The following ERMARD variants were observed in gnomAD, a reference collection of about 807,000 sequenced individuals.
ERMARD encodes endoplasmic reticulum membrane-associated RNA degradation protein.
ERMARD carries 71 observed loss-of-function variants against 83.9 expected under a neutral mutation model. The observed-to-expected ratio is 0.85, with a 90% CI of 0.70 to 1.03. The LOEUF (loss-of-function observed/expected upper bound fraction) is 1.03. ERMARD is among the 50% of genes least tolerant of loss of function. The pLI, the probability that ERMARD is intolerant of heterozygous loss-of-function variation, is 0.00. For synonymous variants in ERMARD, 284 were observed against 298.6 expected (o/e 0.95, Z 0.50); for missense variants, 838 against 810.9 (o/e 1.03, Z -0.41).
At chr6:169,751,568 G>A (rs1790081521), upstream of ERMARD, 1 of 1,608,718 alleles carries the variant, frequency 6.2e-7, no homozygotes, top group South Asian at 1.1e-5. Flanking sequence ...CGTACGGTAG[G>A]AAGTGCCCGC....
rs765135839 is a variant in ERMARD, at chr6:169,776,515, G to A, written c.1581G>A (p.Arg527=). The part of the protein sequence containing the change: ...STPVPTLFCP[R]IVLEVLVVLR... ...CTGTTCCCACCCTGTTCTGCCCCAG[G>A]ATTGTGCTGGAAGTGCTGGTTGTGC... is the stretch of plus-strand genomic sequence containing the variant. Residue 527 remains arginine, a synonymous_variant, in exon 16 of 18, where the codon AGG becomes AGA. Coordinates refer to ENST00000366773, the MANE Select transcript of ERMARD (RefSeq NM_018341.3). 8.1e-6 allele frequency: 13 copies of A among 1,614,080 alleles called. No individual in the cohort carries two copies. In the South Asian group the frequency reaches 1.2e-4, roughly 15 times the overall value.
upstream of ERMARD, chr6:169,751,474 A>C (rs201949555): frequency 6.2e-7 from 1 of 1,612,630 alleles, no homozygotes; most frequent in African/African-American, 1.3e-5. Context: ...TCTGTTCTCC[A>C]AGACGCCCAC....
chr6:169,751,723 G>A, intron 1 of ERMARD, 60 bp downstream of exon 1: 2 of 1,510,754 alleles, frequency 1.3e-6, no homozygotes, highest in Non-Finnish European at 1.8e-6. Context: ...GCGCCAGGCT[G>A]GGTGGTGCTC....
chr6:169,775,853 T>C lies in ERMARD; in HGVS notation c.1395-87T>C, dbSNP rs1425625312. 7.4e-6 allele frequency: 11 copies of C among 1,486,922 alleles called. No individual in the cohort carries two copies. In the South Asian group the frequency reaches 8.9e-5, roughly 12 times the overall value. The allele number at this position is 1,486,922 out of a possible 1,614,324, so 92.1% of individuals were successfully genotyped here. On this transcript the variant is annotated intron_variant, in intron 14 of 17. Transcript: ENST00000366773. ...GTGAGATTCACAGTCAGGTCGCTGC[T>C]CAGTGAACCATTGAACATTCTTGTG...
intron 1 of ERMARD, chr6:169,751,964 C>T (rs755065582): frequency 3.7e-5 from 16 of 431,572 alleles, no homozygotes; most frequent in Non-Finnish European, 5.6e-5. Flanking sequence ...CGCGGTGGCG[C>T]GGGGGCGGAA....
chr6:169,764,410 T>G (rs1476641548), intron 9 of ERMARD, among the ~76,000 whole-genome samples: 1 of 151,824 alleles, frequency 6.6e-6, no homozygotes, highest in African/African-American at 2.4e-5. Context: ...ACCATAGATG[T>G]GTGCTACTAC....
At chr6:169,767,913 A>G (rs891282848) in intron 10 of ERMARD, 190 bp from the exon 11 acceptor site, 1 of 603,588 alleles carries the variant, frequency 1.7e-6, no homozygotes, top group African/African-American at 1.9e-5. Flanking sequence ...ATATAGTCTT[A>G]AAGTCATTCT....
At chr6:169,774,945 G>A (rs1222833725) in intron 13 of ERMARD, among the ~76,000 whole-genome samples, 1 of 152,204 alleles carries the variant, frequency 6.6e-6, no homozygotes, top group African/African-American at 2.4e-5. Flanking sequence ...CGTCACACCT[G>A]CTGTGTTCTG....
intron 16 of ERMARD, 105 bp from the exon 17 acceptor site, chr6:169,779,077 A>G (rs1038010458): frequency 1.0e-6 from 1 of 994,828 alleles, no homozygotes. Context: ...ATTTTTTGAG[A>G]AGTTGGGACT....
chr6:169,764,211 T>C (rs1791911547), intron 9 of ERMARD, among the ~76,000 whole-genome samples: 1 of 151,670 alleles, frequency 6.6e-6, no homozygotes, highest in Non-Finnish European at 1.5e-5. Context: ...TCTTCCTCCT[T>C]CTCAAATTTC....
chr6:169,775,010 C>A (rs1051868223), intron 13 of ERMARD, among the ~76,000 whole-genome samples: 7 of 152,038 alleles, frequency 4.6e-5, no homozygotes, highest in African/African-American at 1.7e-4. Flanking sequence ...GCCTCCCTCT[C>A]AATGGCAGGT....
intron 12 of ERMARD, among the ~76,000 whole-genome samples, chr6:169,772,770 CAAAA>C (rs60417475): frequency 0.14 from 13,778 of 100,092 alleles, 636 homozygotes; most frequent in African/African-American, 0.17. Context: ...GACTCTGTCT[CAAAA>C]AAAAAAAAAA....
At chr6:169,766,494 A>G (rs1054217640) in intron 9 of ERMARD, 144 bp from the exon 10 acceptor site, 2 of 581,700 alleles carry the variant, frequency 3.4e-6, no homozygotes, top group Non-Finnish European at 5.9e-6. Context: ...CATTCCTCTC[A>G]TAGTGTTTCT....
At chr6:169,760,040 C>T (rs927842081) in intron 7 of ERMARD, 66 bp downstream of exon 7, 2 of 1,600,242 alleles carry the variant, frequency 1.2e-6, no homozygotes, top group Non-Finnish European at 1.7e-6. Context: ...CAGTAAACAG[C>T]ATTAAGAGGT....
At chr6:169,765,060 G>C (rs1792032580) in intron 9 of ERMARD, among the ~76,000 whole-genome samples, 1 of 152,252 alleles carries the variant, frequency 6.6e-6, no homozygotes, top group African/African-American at 2.4e-5. Context: ...ACTCAGCGCG[G>C]TGTGGAGCGA....
At chr6:169,765,587 G>T (rs1562332657) in intron 9 of ERMARD, among the ~76,000 whole-genome samples, 1 of 152,206 alleles carries the variant, frequency 6.6e-6, no homozygotes, top group Non-Finnish European at 1.5e-5. Flanking sequence ...ATATGTGGTA[G>T]ACGTTGGATA....
intron 5 of ERMARD, 67 bp from the exon 6 acceptor site, chr6:169,758,901 A>G (rs1791162088): frequency 9.3e-6 from 13 of 1,392,810 alleles, no homozygotes; most frequent in Non-Finnish European, 1.3e-5. Context: ...CACAAATGTT[A>G]TCTTCATACT....
chr6:169,776,324 G>T (rs1426943221), intron 15 of ERMARD, 131 bp from the exon 16 acceptor site: 2 of 1,552,412 alleles, frequency 1.3e-6, no homozygotes, highest in Non-Finnish European at 1.7e-6. Flanking sequence ...TGTCACGGTT[G>T]TCCCTGCAGA....
chr6:169,751,474 A>G (rs201949555), upstream of ERMARD: 2 of 1,612,748 alleles, frequency 1.2e-6, no homozygotes, highest in African/African-American at 1.3e-5. Context: ...TCTGTTCTCC[A>G]AGACGCCCAC....
Sources: allele counts gnomAD v4.1 joint callset (sites outside exome capture counted in the v4.1 genomes callset), GRCh38; gene constraint gnomAD v4.1.1; transcripts MANE v1.5; gene names NCBI Gene and HGNC (gene_info 2026-07-23, HGNC 2026-07-21).